ME2: variants seen among roughly 807,000 people sequenced by gnomAD.
ME2 encodes the protein NAD-dependent malic enzyme, mitochondrial.
ME2 carries 60 observed loss-of-function variants against 73.7 expected under a neutral mutation model. That is an observed-to-expected ratio of 0.81 (90% CI 0.66 to 1.01). The LOEUF (loss-of-function observed/expected upper bound fraction) is 1.01, where lower values mean the gene tolerates loss of function less well. Among genes scored for constraint, ME2 ranks in the 50% least tolerant of loss-of-function variants. ME2 has a pLI of 0.00. For synonymous variants in ME2, 199 were observed against 236.9 expected, an observed-to-expected ratio of 0.84 and a Z score of 1.47; for missense variants, 594 against 705.5, an observed-to-expected ratio of 0.84 and a Z score of 1.79.
At chr18:50,946,645 G>C (rs1918090036) in intron 15 of ME2, among the ~76,000 whole-genome samples, 1 of 152,098 alleles carries the variant, frequency 6.6e-6, no homozygotes, top group African/African-American at 2.4e-5. Context: ...CCAAATTCTA[G>C]AGCAGAAACC....
chr18:50,930,316 T>C (rs938169127), intron 12 of ME2, among the ~76,000 whole-genome samples: 3 of 152,122 alleles, frequency 2.0e-5, no homozygotes, highest in Admixed American at 6.6e-5. Context: ...ATAAATTCTT[T>C]CTTAGTGTTA....
Position 50,920,723 on chromosome 18 carries a change from T to C in ME2, c.907T>C (p.Ser303Pro). 2 of 1,611,848 alleles carry C rather than the reference T, an allele frequency of 1.2e-6. No individual in the cohort carries two copies. The highest frequency in any genetic ancestry group is 1.7e-6 in the Non-Finnish European group (2 of 1,179,746). Reference protein sequence around the residue: ...AAQKVISKPISEHKILFLGAG... With the variant: ...AAQKVISKPIPEHKILFLGAG... ...ACAAAAAGTTATTAGTAAACCAATC[T>C]CCGAACACAAAATCTTATTCCTTGG... Residue 303 changes from serine to proline, a missense_variant, in exon 9 of 16, where the codon TCC (serine) becomes CCC (proline). Physicochemically the swap from Ser to Pro is moderately conservative, Grantham distance 74 (BLOSUM62 -1). Transcript: ENST00000321341.
At chr18:50,921,709 C>T (rs2144239936) in intron 10 of ME2, among the ~76,000 whole-genome samples, 1 of 152,192 alleles carries the variant, frequency 6.6e-6, no homozygotes, top group East Asian at 1.9e-4. Context: ...CCCGAGGCTA[C>T]CGTGCCTGGC....
At chr18:50,912,478 CT>C (rs1917179565) in intron 3 of ME2, among the ~76,000 whole-genome samples, 1 of 152,148 alleles carries the variant, frequency 6.6e-6, no homozygotes, top group South Asian at 2.1e-4. Flanking sequence ...AAGACTGATT[CT>C]TTAAGCGTAA....
Position 50,920,698 on chromosome 18 carries a change from A to G in ME2, c.882A>G (p.Ala294=), listed in dbSNP as rs915760264. 1.9e-6 allele frequency: 3 copies of G among 1,612,486 alleles called. No individual in the cohort carries two copies. Among genetic ancestry groups the G allele is most frequent in the Non-Finnish European group, 2.5e-6 (3 of 1,179,828 alleles). ...TAGCTCTAGCAGGTCTTCTTGCAGC[A>G]CAAAAAGTTATTAGTAAACCAATCT... ...AAVALAGLLA[A]QKVISKPISE... The change falls in exon 9 of 16, where the codon GCA becomes GCG. Residue 294 remains alanine, a synonymous_variant. Coordinates refer to ENST00000321341, the MANE Select transcript of ME2 (RefSeq NM_002396.5).
intron 15 of ME2, among the ~76,000 whole-genome samples, chr18:50,941,353 C>CTTGTTTTTTTTTTTTT (rs1917952181): frequency 1.6e-5 from 1 of 63,820 alleles, no homozygotes; most frequent in Non-Finnish European, 2.5e-5. Flanking sequence ...GTGATGGTTT[C>CTTGTTTTTTTTTTTTT]TTTTTTTTTT....
intron 7 of ME2, among the ~76,000 whole-genome samples, chr18:50,920,136 A>T (rs985610494): frequency 2.4e-4 from 36 of 152,186 alleles, no homozygotes; most frequent in African/African-American, 8.2e-4. Flanking sequence ...ATGTAATGAG[A>T]ATATACATAT....
At chr18:50,933,570 A>C (rs1355118620) in intron 13 of ME2, 4 of 152,184 alleles carry the variant, frequency 2.6e-5, no homozygotes, top group Admixed American at 2.0e-4. Context: ...GTTCAAAATT[A>C]ATGTGTTCTA....
At chr18:50,880,606 G>GGGGGCTTCGC (rs1916295378) in intron 1 of ME2, among the ~76,000 whole-genome samples, 1 of 152,132 alleles carries the variant, frequency 6.6e-6, no homozygotes, top group South Asian at 2.1e-4. Flanking sequence ...TAATAGAGAC[G>GGGGGCTTCGC]GGGGCTTCGC....
Position 50,916,201 on chromosome 18 carries a change from T to A in ME2, c.426T>A (p.His142Gln). 1 of 1,612,716 alleles carries A rather than the reference T, an allele frequency of 6.2e-7. No individual in the cohort carries two copies. ...TTATTTCGATCTCAGACAGAGGTCA[T>A]GTTAGATCAATTGTGGATAACTGGC... Reference protein sequence around the residue: ...GLFISISDRGHVRSIVDNWPE... With the variant: ...GLFISISDRGQVRSIVDNWPE... Residue 142 changes from histidine to glutamine, a missense_variant, in exon 5 of 16, where the codon CAT (histidine) becomes CAA (glutamine). By Grantham distance (24) the His-to-Gln change is conservative. Transcript: ENST00000321341.
chr18:50,915,865 A>AT (rs565288246), intron 4 of ME2: 2,663 of 183,752 alleles, frequency 0.014, no homozygotes, highest in Middle Eastern at 0.028. Context: ...CTTGCTTTAG[A>AT]TTTTTTTTTT....
chr18:50,918,089 T>C (rs1917326353), intron 6 of ME2, 21 bp from the exon 7 acceptor site: 6 of 1,458,764 alleles, frequency 4.1e-6, no homozygotes, highest in African/African-American at 2.8e-5. Flanking sequence ...ATTTTATTTT[T>C]ACATTTGGTT....
At chr18:50,910,513 G>A (rs1917130421) in intron 3 of ME2, among the ~76,000 whole-genome samples, 2 of 151,972 alleles carry the variant, frequency 1.3e-5, no homozygotes, top group Admixed American at 1.3e-4. Flanking sequence ...TGATGGCCTG[G>A]TGGCAAGATC....
Position 50,920,772 on chromosome 18 carries a change from G to A in ME2, c.942+14G>A, listed in dbSNP as rs371999190. ...GGAGCAGGAGAGGTAAGTTTTGAAG[G>A]CTTTTTGAAACTTAAGCCTATCCTC... On this transcript the variant is annotated intron_variant, in intron 9 of 15. Transcript: ENST00000321341. 1 of 1,574,250 alleles carries A rather than the reference G, an allele frequency of 6.4e-7. No individual in the cohort carries two copies. The highest frequency in any genetic ancestry group is 8.6e-7 in the Non-Finnish European group (1 of 1,157,308).
chr18:50,880,316 A>T (rs1438055827), intron 1 of ME2, among the ~76,000 whole-genome samples: 1 of 152,160 alleles, frequency 6.6e-6, no homozygotes, highest in Non-Finnish European at 1.5e-5. Flanking sequence ...CAAAGCCTAG[A>T]TTCAAACTCA....
In ME2 at chr18:50,913,041, G is replaced by T. The variant is rs1336441636; in HGVS notation, c.392+91G>T. 1.1e-5 allele frequency: 13 copies of T among 1,195,324 alleles called. No individual in the cohort carries two copies. In the South Asian group the frequency reaches 2.2e-4, roughly 21 times the overall value. The allele number at this position is 1,195,324 out of a possible 1,614,324, so 74.0% of individuals were successfully genotyped here. ...CCCATTACATTTCTATTTTATGTTTGTTAGCCAAATCACATTTCCCACCTC... is the reference window on the plus strand; with the variant it reads ...CCCATTACATTTCTATTTTATGTTTTTTAGCCAAATCACATTTCCCACCTC... On this transcript the variant is annotated intron_variant, in intron 4 of 15. Coordinates refer to ENST00000321341, the MANE Select transcript of ME2 (RefSeq NM_002396.5).
chr18:50,903,509 G>A (rs972066505), intron 2 of ME2, among the ~76,000 whole-genome samples: 2 of 151,938 alleles, frequency 1.3e-5, no homozygotes, highest in Non-Finnish European at 2.9e-5. Context: ...GAAGTATAGT[G>A]GCACAGTCAT....
intron 2 of ME2, among the ~76,000 whole-genome samples, chr18:50,903,754 C>T (rs1390511873): frequency 6.6e-6 from 1 of 152,128 alleles, no homozygotes; most frequent in East Asian, 1.9e-4. Flanking sequence ...TGGCCCAAAG[C>T]ACTTCTAAAT....
At chr18:50,921,010 A>G (rs1917413567) in intron 9 of ME2, 64 bp from the exon 10 acceptor site, 1 of 809,770 alleles carries the variant, frequency 1.2e-6, no homozygotes, top group Admixed American at 2.9e-5. Flanking sequence ...ATCTTCATAT[A>G]TAAAGTAATT....
Sources: gnomAD v4.1 joint callset for allele counts (sites outside exome capture counted in the v4.1 genomes callset) on GRCh38, gnomAD v4.1.1 for gene constraint, MANE v1.5 for transcripts, NCBI Gene and HGNC (gene_info 2026-07-23, HGNC 2026-07-21) for gene names.